Variants in RNF138 observed in about 807,000 individuals in gnomAD.
RNF138 encodes the protein E3 ubiquitin-protein ligase RNF138.
A neutral mutation model predicts 31.0 loss-of-function variants in RNF138; 12 were observed. That is an observed-to-expected ratio of 0.39 (90% CI 0.25 to 0.63). The LOEUF is 0.63. Ranked by LOEUF, RNF138 falls within the 20% of genes least tolerant of loss-of-function variation. The pLI is 0.52. For synonymous variants in RNF138, 105 were observed against 99.5 expected, an observed-to-expected ratio of 1.06 and a Z score of -0.33; for missense variants, 192 against 300.1, an observed-to-expected ratio of 0.64 and a Z score of 2.66.
Position 32,116,851 on chromosome 18 carries a change from C to T in RNF138, c.392+2991C>T, listed in dbSNP as rs533571580. 7.3e-5 allele frequency among the ~76,000 whole-genome samples: 11 copies of T among 151,314 alleles called. No individual in the cohort carries two copies. The East Asian group carries it at 2.2e-3, about 30-fold the overall frequency. On this transcript the variant is annotated intron_variant, in intron 4 of 7. Transcript: ENST00000261593. ...CCACCTGCCTTGGCCTTCCAAAGTG[C>T]TGGGATCACAGGTGTGAGCCACCAC...
intron 3 of RNF138, 46 bp from the exon 4 acceptor site, chr18:32,113,699 T>TA (rs753471442): frequency 7.0e-6 from 6 of 862,946 alleles, no homozygotes; most frequent in Non-Finnish European, 8.8e-6. Flanking sequence ...TTTCAAATCT[T>TA]ACGAGTTCTA....
At chr18:32,108,870 CAA>C (rs916435539) in intron 2 of RNF138, among the ~76,000 whole-genome samples, 4 of 151,986 alleles carry the variant, frequency 2.6e-5, no homozygotes, top group African/African-American at 9.7e-5. Context: ...TTTACAGGAG[CAA>C]AGTCTCACTA....
intron 4 of RNF138, among the ~76,000 whole-genome samples, chr18:32,115,605 C>T (rs1416665891): frequency 3.3e-5 from 5 of 152,056 alleles, no homozygotes; most frequent in Non-Finnish European, 5.9e-5. Flanking sequence ...ATTAGCTGGA[C>T]GTGGTGGCGC....
chr18:32,116,450 A>C (rs767698973), intron 4 of RNF138, among the ~76,000 whole-genome samples: 2 of 151,594 alleles, frequency 1.3e-5, no homozygotes, highest in Non-Finnish European at 2.9e-5. Context: ...TTCTGATTGC[A>C]ATGGAAGAAT....
intron 2 of RNF138, among the ~76,000 whole-genome samples, chr18:32,099,404 CTATTT>C (rs1260075572): frequency 7.2e-5 from 11 of 152,096 alleles, no homozygotes; most frequent in Middle Eastern, 3.4e-3. Flanking sequence ...CTGAATATCT[CTATTT>C]TATTTTATTT....
intron 2 of RNF138, among the ~76,000 whole-genome samples, chr18:32,109,992 G>A (rs1378988068): frequency 6.6e-6 from 1 of 152,074 alleles, no homozygotes; most frequent in Non-Finnish European, 1.5e-5. Context: ...ATTTTTAATT[G>A]TTATTGTTTT....
chr18:32,097,020 C>T (rs1487055340), intron 2 of RNF138, among the ~76,000 whole-genome samples: 2 of 152,184 alleles, frequency 1.3e-5, no homozygotes, highest in East Asian at 3.8e-4. Context: ...GCAAGAGCCT[C>T]CACACCTGGC....
intron 7 of RNF138, 80 bp downstream of exon 7, chr18:32,126,880 T>C: frequency 1.2e-6 from 1 of 855,600 alleles, no homozygotes; most frequent in Non-Finnish European, 1.9e-6. Context: ...GACTTAAATT[T>C]TGTGGCAAGC....
At chr18:32,094,038 G>A (rs1349916190) in intron 2 of RNF138, among the ~76,000 whole-genome samples, 2 of 151,952 alleles carry the variant, frequency 1.3e-5, no homozygotes, top group African/African-American at 2.4e-5. Context: ...TGATCCTCCC[G>A]CCTCGGCCTC....
rs1451858456 is a variant in RNF138 at position 32,130,759 on chromosome 18, CTTTA to C, written c.*1578_*1581del. On this transcript the variant is annotated 3_prime_UTR_variant, in exon 8 of 8. Coordinates refer to ENST00000261593, the MANE Select transcript of RNF138 (RefSeq NM_016271.5). ...ACCTTTTTCAGTCAAACAGTAAAGA[CTTTA>C]TTTATGGATTGTAATAACAACCACA... 1.3e-5 allele frequency: 2 copies of C among 152,334 alleles called. No individual in the cohort carries two copies. The highest frequency in any genetic ancestry group is 2.9e-5 in the Non-Finnish European group (2 of 67,872). The allele number at this position is 152,334 out of a possible 1,614,324, so 9.4% of individuals were successfully genotyped here. A position where few individuals can be genotyped will look rare whatever the true frequency, so the allele number is the denominator to read the frequency against.
intron 1 of RNF138, 95 bp from the exon 2 acceptor site, chr18:32,092,605 T>C (rs1257784924): frequency 5.1e-6 from 3 of 593,344 alleles, no homozygotes; most frequent in South Asian, 1.9e-5. Context: ...CAGTAGCGTC[T>C]CTGCGTTCGG....
chr18:32,100,771 C>G (rs149747254), intron 2 of RNF138, among the ~76,000 whole-genome samples: 2 of 152,100 alleles, frequency 1.3e-5, no homozygotes, highest in East Asian at 3.9e-4. Context: ...CCCCCGCGCC[C>G]GGCCTGTATT....
intron 2 of RNF138, among the ~76,000 whole-genome samples, chr18:32,103,573 A>G (rs139005481): frequency 2.0e-5 from 3 of 152,336 alleles, no homozygotes; most frequent in East Asian, 3.9e-4. Flanking sequence ...CCTTCAAAGA[A>G]CACAATCAAT....
chr18:32,118,581 A>C (rs1490151108), intron 4 of RNF138, among the ~76,000 whole-genome samples: 2 of 152,002 alleles, frequency 1.3e-5, no homozygotes, highest in Non-Finnish European at 2.9e-5. Flanking sequence ...CTGTAATCCC[A>C]GCACTTTGGG....
chr18:32,106,473 C>G (rs2040029384), intron 2 of RNF138, among the ~76,000 whole-genome samples: 1 of 152,144 alleles, frequency 6.6e-6, no homozygotes, highest in African/African-American at 2.4e-5. Flanking sequence ...ATCTGATTCT[C>G]TTTCCTTAGT....
Position 32,111,781 on chromosome 18 carries a change from A to G in RNF138, c.138A>G (p.Ala46=). Residue 46 remains alanine (A), a synonymous_variant, in exon 3 of 8, where the codon GCA becomes GCG. Transcript: ENST00000261593. ...TCTGTAGAAAATGTTTCCTGACTGC[A>G]ATGAGGGAAAGCGGAGCACATTGTC... ...HVFCRKCFLT[A]MRESGAHCPL... 1.2e-6 allele frequency: 2 copies of G among 1,612,528 alleles called. No homozygotes were observed. The highest frequency in any genetic ancestry group is 1.7e-6 in the Non-Finnish European group (2 of 1,179,724).
chr18:32,104,660 T>G (rs548437608), intron 2 of RNF138, among the ~76,000 whole-genome samples: 1 of 152,106 alleles, frequency 6.6e-6, no homozygotes, highest in Non-Finnish European at 1.5e-5. Context: ...AAGAAAAACG[T>G]CACTTACAAT....
rs371223053 is a variant in RNF138 at position 32,107,298 on chromosome 18, T to G, written c.111-4456T>G. Among the ~76,000 whole-genome samples the G allele has an allele frequency of 8.6e-5, 13 of 150,546 alleles. 1 individual carries two copies. Among genetic ancestry groups the G allele is most frequent in the East Asian group, 5.9e-4 (3 of 5,084 alleles). On this transcript the variant is annotated intron_variant, in intron 2 of 7. Coordinates refer to ENST00000261593, the MANE Select transcript of RNF138 (RefSeq NM_016271.5). ...GCCACGCCCAGCTAATTTTTTTTTG[T>G]ATTTTAGTAGAGACGGCATTCCACT...
chr18:32,092,586 C>T, intron 1 of RNF138, 114 bp from the exon 2 acceptor site: 2 of 579,048 alleles, frequency 3.5e-6, no homozygotes, highest in South Asian at 2.0e-5. Flanking sequence ...TCTTGCCCGG[C>T]GCGTGCGGCA....
Sources: gnomAD v4.1 joint callset for allele counts (sites outside exome capture counted in the v4.1 genomes callset) on GRCh38, gnomAD v4.1.1 for gene constraint, MANE v1.5 for transcripts, NCBI Gene and HGNC (gene_info 2026-07-23, HGNC 2026-07-21) for gene names.